The following OLFM3 variants were observed in gnomAD, a reference collection of about 807,000 sequenced individuals.
The protein encoded by OLFM3 is noelin-3.
Under a neutral mutation model 48.6 loss-of-function variants are expected in OLFM3, and 20 were observed. The observed-to-expected ratio is 0.41, with a 90% CI of 0.29 to 0.60. The LOEUF (loss-of-function observed/expected upper bound fraction) is 0.60, where lower values mean the gene tolerates loss of function less well. Ranked by LOEUF, OLFM3 falls within the 20% of genes least tolerant of loss-of-function variation. The probability of loss-of-function intolerance (pLI) is 0.28; values close to 1 mark genes in which losing one functional copy is unlikely to be tolerated. For synonymous variants in OLFM3, 222 were observed against 198.1 expected (o/e 1.12, Z -1.01); for missense variants, 437 against 544.3 (o/e 0.80, Z 1.96).
intron 1 of OLFM3, among the ~76,000 whole-genome samples, chr1:101,941,551 T>G (rs1659795806): frequency 6.6e-6 from 1 of 152,188 alleles, no homozygotes; most frequent in South Asian, 2.1e-4. Context: ...AAGTTATTTC[T>G]GTTACCCTAC....
intron 1 of OLFM3, among the ~76,000 whole-genome samples, chr1:101,854,232 C>T (rs957642414): frequency 6.8e-6 from 1 of 148,122 alleles, no homozygotes; most frequent in African/African-American, 2.6e-5. Context: ...TTCAATTTGG[C>T]CCTTGGCAAC....
chr1:101,886,714 G>C (rs117806912), intron 1 of OLFM3, among the ~76,000 whole-genome samples: 1 of 152,050 alleles, frequency 6.6e-6, no homozygotes, highest in Non-Finnish European at 1.5e-5. Context: ...AACCCACAGA[G>C]GTGTGAGACA....
At chr1:101,891,585 G>T (rs1658001156) in intron 1 of OLFM3, among the ~76,000 whole-genome samples, 2 of 151,304 alleles carry the variant, frequency 1.3e-5, no homozygotes, top group South Asian at 4.2e-4. Context: ...TTTTCCCTTA[G>T]GTTCAAAAGC....
At chr1:101,898,397 G>A (rs895218225) in intron 1 of OLFM3, among the ~76,000 whole-genome samples, 6 of 152,140 alleles carry the variant, frequency 3.9e-5, no homozygotes, top group South Asian at 2.1e-4. Flanking sequence ...CAGCTTTATC[G>A]TGAAGTGTAT....
At chr1:101,970,786 T>C (rs1310379838) in intron 1 of OLFM3, among the ~76,000 whole-genome samples, 1 of 152,172 alleles carries the variant, frequency 6.6e-6, no homozygotes, top group East Asian at 1.9e-4. Flanking sequence ...ACTTCATACA[T>C]GAGGAACAAT....
intron 1 of OLFM3, among the ~76,000 whole-genome samples, chr1:101,973,596 G>A (rs1431816821): frequency 1.3e-5 from 2 of 152,146 alleles, no homozygotes; most frequent in Non-Finnish European, 2.9e-5. Context: ...GGAAAGAAAA[G>A]CCAATTCTGC....
chr1:101,802,791 A>T lies in OLFM3; in HGVS notation c.*1447T>A, dbSNP rs138158944. On this transcript the variant is annotated 3_prime_UTR_variant, in exon 6 of 6. Transcript: ENST00000370103. ...AACAATTTGTTTTATTATTTATTAT[A>T]GAATATACTTTTTAAATTGTAAAAC... 6.6e-6 allele frequency: 1 copy of T among 151,790 alleles called. No individual in the cohort carries two copies. Among genetic ancestry groups the T allele is most frequent in the East Asian group, 1.9e-4 (1 of 5,146 alleles). 9.4% of individuals were successfully genotyped at this position (151,790 alleles called of 1,614,324 possible).
intron 4 of OLFM3, chr1:101,812,301 T>G: frequency 6.7e-6 from 3 of 449,302 alleles, no homozygotes; most frequent in Non-Finnish European, 8.8e-6. Flanking sequence ...AACCTGCACA[T>G]TGTGCACATG....
intron 1 of OLFM3, among the ~76,000 whole-genome samples, chr1:101,900,221 T>C (rs1658345508): frequency 6.6e-6 from 1 of 152,132 alleles, no homozygotes; most frequent in Admixed American, 6.5e-5. Context: ...GGTTCAATCA[T>C]CCAGACAAGT....
chr1:101,891,099 T>C (rs922184639), intron 1 of OLFM3, among the ~76,000 whole-genome samples: 1 of 152,010 alleles, frequency 6.6e-6, no homozygotes, highest in African/African-American at 2.4e-5. Context: ...TTTATCTTTC[T>C]AATTATTTTG....
At chr1:101,974,312 G>C (rs1488859555) in intron 1 of OLFM3, among the ~76,000 whole-genome samples, 1 of 152,086 alleles carries the variant, frequency 6.6e-6, no homozygotes, top group Non-Finnish European at 1.5e-5. Flanking sequence ...CTAGGGTTTT[G>C]AGTATTTCCA....
At chr1:101,847,199 A>G (rs1656039801) in intron 1 of OLFM3, 1 of 296,866 alleles carries the variant, frequency 3.4e-6, no homozygotes, top group Admixed American at 6.5e-5. Flanking sequence ...ATCATCAAAC[A>G]AAATATTCTT....
At chr1:101,984,076 G>T (rs1214362088) in intron 1 of OLFM3, among the ~76,000 whole-genome samples, 1 of 151,830 alleles carries the variant, frequency 6.6e-6, no homozygotes, top group African/African-American at 2.4e-5. Flanking sequence ...TGGCAAAACC[G>T]CAGCTCTACA....
chr1:101,886,660 T>A (rs888688098), intron 1 of OLFM3, among the ~76,000 whole-genome samples: 1 of 152,048 alleles, frequency 6.6e-6, no homozygotes, highest in Non-Finnish European at 1.5e-5. Flanking sequence ...TGACTGCGGT[T>A]GCATGAAAGA....
At chr1:101,846,363 A>C (rs1655993104) in intron 1 of OLFM3, among the ~76,000 whole-genome samples, 1 of 152,164 alleles carries the variant, frequency 6.6e-6, no homozygotes, top group South Asian at 2.1e-4. Context: ...TTTATGCTTA[A>C]AAGATGTTAG....
chr1:101,807,640 T>A (rs539066341), intron 4 of OLFM3, among the ~76,000 whole-genome samples: 2 of 151,976 alleles, frequency 1.3e-5, no homozygotes, highest in Admixed American at 1.3e-4. Flanking sequence ...CATTATATTT[T>A]GCACTACTAG....
At chr1:101,808,276 GA>G (rs1026448353) in intron 4 of OLFM3, among the ~76,000 whole-genome samples, 4 of 151,444 alleles carry the variant, frequency 2.6e-5, no homozygotes, top group Non-Finnish European at 3.0e-5. Context: ...AAAAACAAAA[GA>G]AAAAAAGCAA....
chr1:101,883,754 G>T (rs921917164), intron 1 of OLFM3, among the ~76,000 whole-genome samples: 2 of 151,814 alleles, frequency 1.3e-5, no homozygotes, highest in African/African-American at 4.8e-5. Flanking sequence ...ACATATAATT[G>T]CATTTTTGTA....
Position 101,803,012 on chromosome 1 carries a change from G to C in OLFM3, c.*1226C>G, listed in dbSNP as rs1653563316. ...CATACAGTGAATCAAGGTAACAAGG[G>C]GTCGTTTTTCCATTTTGTTTTCTGA... On this transcript the variant is annotated 3_prime_UTR_variant, in exon 6 of 6. Transcript: ENST00000370103. 6.6e-6 allele frequency: 1 copy of C among 151,604 alleles called. No homozygotes were observed. Among genetic ancestry groups the C allele is most frequent in the Non-Finnish European group, 1.5e-5 (1 of 67,624 alleles). 9.4% of individuals were successfully genotyped at this position (151,604 alleles called of 1,614,324 possible).
Sources: allele counts gnomAD v4.1 joint callset (sites outside exome capture counted in the v4.1 genomes callset), GRCh38; gene constraint gnomAD v4.1.1; transcripts MANE v1.5; gene names NCBI Gene and HGNC (gene_info 2026-07-23, HGNC 2026-07-21).